SERPINE2: variants seen among roughly 807,000 people sequenced by gnomAD.
SERPINE2 encodes the protein serpin family E member 2.
SERPINE2 carries 14 observed loss-of-function variants against 36.3 expected under a neutral mutation model. That is an observed-to-expected ratio of 0.39 (90% confidence interval 0.25 to 0.60). The LOEUF is 0.60. Among genes scored for constraint, SERPINE2 ranks in the 20% least tolerant of loss-of-function variants. The pLI is 0.57. For synonymous variants in SERPINE2, 192 were observed against 191.8 expected, an observed-to-expected ratio of 1.00 and a Z score of -0.01; for missense variants, 418 against 499.6, an observed-to-expected ratio of 0.84 and a Z score of 1.56.
chr2:224,038,812 AC>A, intron 1 of SERPINE2: 1 of 392,620 alleles, frequency 2.5e-6, no homozygotes, highest in Non-Finnish European at 4.5e-6. Flanking sequence ...ACTGGACGCC[AC>A]CCCGGGGCGG....
intron 1 of SERPINE2, among the ~76,000 whole-genome samples, chr2:224,037,635 C>G (rs1364993896): frequency 6.6e-6 from 1 of 152,208 alleles, no homozygotes; most frequent in Non-Finnish European, 1.5e-5. Flanking sequence ...GAGATGCACC[C>G]AGGGACGTGG....
At chr2:224,024,283 G>A (rs552909696) in intron 1 of SERPINE2, among the ~76,000 whole-genome samples, 1 of 152,190 alleles carries the variant, frequency 6.6e-6, no homozygotes, top group African/African-American at 2.4e-5. Context: ...TTGTAAAAAG[G>A]TGATCACTGC....
At position 224,031,043 on chromosome 2, in the gene SERPINE2, G is replaced by C. The variant is rs569039752; in HGVS notation, c.-23+8056C>G. 4 of 985,312 alleles carry C rather than the reference G, an allele frequency of 4.1e-6. No homozygotes were observed. In the East Asian group the frequency reaches 4.5e-4, roughly 112 times the overall value. The allele number at this position is 985,312 out of a possible 1,614,324, so 61.0% of individuals were successfully genotyped here. On this transcript the variant is annotated intron_variant, in intron 1 of 8. Coordinates refer to ENST00000409304, the MANE Select transcript of SERPINE2 (RefSeq NM_001136528.2). The stretch of plus-strand genomic sequence containing the variant: ...TGATACTAGGGCTATCACGCAGCAC[G>C]GCGAGGAGGTAGTCTTGAAAGGAGG...
intron 4 of SERPINE2, among the ~76,000 whole-genome samples, chr2:223,990,787 G>A (rs1262360837): frequency 6.6e-6 from 1 of 152,074 alleles, no homozygotes; most frequent in African/African-American, 2.4e-5. Flanking sequence ...AGACTAGCCT[G>A]GGCAACGTGG....
At chr2:223,998,368 C>G in intron 2 of SERPINE2, 26 bp from the exon 3 acceptor site, 2 of 1,540,996 alleles carry the variant, frequency 1.3e-6, no homozygotes, top group Non-Finnish European at 1.8e-6. Flanking sequence ...GAAGATACAG[C>G]AATACTTCCA....
At chr2:224,001,972 T>G in intron 1 of SERPINE2, 50 bp from the exon 2 acceptor site, 1 of 1,470,482 alleles carries the variant, frequency 6.8e-7, no homozygotes, top group Non-Finnish European at 9.0e-7. Flanking sequence ...ATGGGTACTT[T>G]ACTACTTTTT....
chr2:223,988,369 G>A (rs868669737), intron 4 of SERPINE2, among the ~76,000 whole-genome samples: 4 of 151,660 alleles, frequency 2.6e-5, no homozygotes, highest in African/African-American at 2.4e-5. Context: ...ACAGGGTCTC[G>A]CTATGTTGCC....
intron 1 of SERPINE2, among the ~76,000 whole-genome samples, chr2:224,008,456 C>T (rs542413394): frequency 6.6e-6 from 1 of 152,254 alleles, no homozygotes; most frequent in Non-Finnish European, 1.5e-5. Context: ...GGTTGATTGA[C>T]CAGAGGGTTC....
chr2:224,016,366 C>T (rs1192545066), intron 1 of SERPINE2, among the ~76,000 whole-genome samples: 1 of 152,106 alleles, frequency 6.6e-6, no homozygotes, highest in African/African-American at 2.4e-5. Context: ...ATTAGTCAGT[C>T]GTCGCGGCAG....
chr2:224,015,704 G>A (rs1208249836), intron 1 of SERPINE2, among the ~76,000 whole-genome samples: 1 of 152,070 alleles, frequency 6.6e-6, no homozygotes, highest in Admixed American at 6.6e-5. Context: ...CCGGCACTGC[G>A]CATGACAACA....
Position 224,005,098 on chromosome 2 carries a change from A to ATATATATATATATAT in SERPINE2, c.-22-3177_-22-3176insATATATATATATATA, listed in dbSNP as rs1559209284. 1.1e-4 allele frequency among the ~76,000 whole-genome samples: 13 copies of ATATATATATATATAT among 115,720 alleles called. 1 individual carries two copies. Among genetic ancestry groups the ATATATATATATATAT allele is most frequent in the African/African-American group, 2.0e-4 (5 of 25,288 alleles). 75.9% of individuals were successfully genotyped at this position (115,720 alleles called of 152,430 possible). On this transcript the variant is annotated intron_variant, in intron 1 of 8. Transcript: ENST00000409304. ...ATATATATATATATATATATATATA[A>ATATATATATATATAT]AACATTGTAAAAACAGGGTGAAAGG...
chr2:224,037,643 T>C (rs759943025), intron 1 of SERPINE2, among the ~76,000 whole-genome samples: 3 of 152,162 alleles, frequency 2.0e-5, no homozygotes, highest in Non-Finnish European at 4.4e-5. Context: ...CCCAGGGACG[T>C]GGCCAGGTCA....
intron 1 of SERPINE2, among the ~76,000 whole-genome samples, chr2:224,008,469 T>C (rs763617889): frequency 1.1e-4 from 16 of 152,104 alleles, no homozygotes; most frequent in Non-Finnish European, 1.5e-4. Context: ...GAGGGTTCTA[T>C]TTTCTGTATC....
chr2:223,980,748 T>A, intron 6 of SERPINE2: 1 of 205,156 alleles, frequency 4.9e-6, no homozygotes, highest in Non-Finnish European at 9.9e-6. Flanking sequence ...GCAACAAGAT[T>A]ATTTTTCAGT....
chr2:224,024,685 G>A (rs4674854), intron 1 of SERPINE2, among the ~76,000 whole-genome samples: 143,583 of 152,258 alleles, frequency 0.94, 68,108 homozygotes, highest in Non-Finnish European at 0.99. Flanking sequence ...AGGATTACGC[G>A]AAGATGCTGA....
chr2:224,017,785 C>T (rs1209924875), intron 1 of SERPINE2, among the ~76,000 whole-genome samples: 2 of 152,168 alleles, frequency 1.3e-5, no homozygotes, highest in African/African-American at 4.8e-5. Flanking sequence ...GTTCTTGAGG[C>T]CCCACTCGAA....
chr2:224,005,073 A>ATATATATG (rs1691360127), intron 1 of SERPINE2, among the ~76,000 whole-genome samples: 1 of 10,056 alleles, frequency 9.9e-5, no homozygotes, highest in Non-Finnish European at 2.4e-4. Context: ...TATTATATAT[A>ATATATATG]TATATATATA....
chr2:223,985,717 T>C (rs1690401077), intron 4 of SERPINE2, among the ~76,000 whole-genome samples: 1 of 152,238 alleles, frequency 6.6e-6, no homozygotes, highest in Admixed American at 6.5e-5. Flanking sequence ...CTCCAAAGGA[T>C]GCACGGCTAA....
intron 1 of SERPINE2, among the ~76,000 whole-genome samples, chr2:224,013,505 G>A (rs978471861): frequency 2.0e-5 from 3 of 152,300 alleles, no homozygotes; most frequent in South Asian, 4.1e-4. Flanking sequence ...TTTGGGCTCC[G>A]TTTTGCTTAG....
Sources: gnomAD v4.1 joint callset for allele counts (sites outside exome capture counted in the v4.1 genomes callset) on GRCh38, gnomAD v4.1.1 for gene constraint, MANE v1.5 for transcripts, NCBI Gene and HGNC (gene_info 2026-07-23, HGNC 2026-07-21) for gene names.